The following SYN2 variants were observed in gnomAD, a reference collection of about 807,000 sequenced individuals.
SYN2 encodes the protein synapsin-2.
SYN2 carries 19 observed loss-of-function variants against 50.9 expected under a neutral mutation model. The observed-to-expected ratio is 0.37, with a 90% CI of 0.26 to 0.55. The LOEUF is 0.55. Ranked by LOEUF, SYN2 falls within the 20% of genes least tolerant of loss-of-function variation. The pLI, the probability that SYN2 is intolerant of heterozygous loss-of-function variation, is 0.81. For synonymous variants in SYN2, 255 were observed against 224.9 expected (o/e 1.13, Z -1.20); for missense variants, 587 against 576.4 (o/e 1.02, Z -0.19).
At chr3:12,057,916 A>G (rs935642786) in intron 1 of SYN2, among the ~76,000 whole-genome samples, 1 of 152,354 alleles carries the variant, frequency 6.6e-6, no homozygotes, top group East Asian at 1.9e-4. Flanking sequence ...CTTTTAGAGC[A>G]TAGTATTTCA....
intron 1 of SYN2, among the ~76,000 whole-genome samples, chr3:12,020,911 G>A (rs753743210): frequency 7.2e-5 from 11 of 152,166 alleles, no homozygotes; most frequent in Non-Finnish European, 1.5e-4. Flanking sequence ...ATGATTAAAG[G>A]ATGTTTTAAA....
intron 12 of SYN2, among the ~76,000 whole-genome samples, chr3:12,188,722 G>A (rs1472368479): frequency 1.3e-5 from 2 of 152,172 alleles, no homozygotes; most frequent in African/African-American, 2.4e-5. Context: ...AGTCCCGTGT[G>A]ATGGGAGGGG....
chr3:12,106,338 A>T (rs1214350142), intron 1 of SYN2, among the ~76,000 whole-genome samples: 3 of 152,114 alleles, frequency 2.0e-5, no homozygotes, highest in African/African-American at 7.2e-5. Context: ...CACCTGGATA[A>T]TCTCCCTATT....
intron 12 of SYN2, 82 bp downstream of exon 12, chr3:12,187,694 C>A: frequency 1.4e-6 from 2 of 1,447,470 alleles, no homozygotes; most frequent in Non-Finnish European, 1.8e-6. Flanking sequence ...CTAGAAATCA[C>A]CTTCAATCAG....
intron 1 of SYN2, among the ~76,000 whole-genome samples, chr3:12,048,892 A>G (rs376782108): frequency 3.3e-5 from 5 of 152,128 alleles, no homozygotes; most frequent in African/African-American, 1.2e-4. Flanking sequence ...GGTAGTGACT[A>G]TTTTATTCAT....
chr3:12,026,621 A>T (rs1401868889), intron 1 of SYN2, among the ~76,000 whole-genome samples: 1 of 152,158 alleles, frequency 6.6e-6, no homozygotes, highest in Non-Finnish European at 1.5e-5. Flanking sequence ...GGCAGAAGAT[A>T]TGAAAAGACA....
chr3:12,038,927 C>G (rs962175470), intron 1 of SYN2, among the ~76,000 whole-genome samples: 1 of 152,128 alleles, frequency 6.6e-6, no homozygotes, highest in Non-Finnish European at 1.5e-5. Flanking sequence ...ATTGTCCTGG[C>G]TAGGACCTTC....
intron 10 of SYN2, among the ~76,000 whole-genome samples, chr3:12,176,018 G>A (rs1335292135): frequency 6.6e-6 from 1 of 152,206 alleles, no homozygotes; most frequent in Non-Finnish European, 1.5e-5. Flanking sequence ...GCTTTAGGGA[G>A]ACTGTTCTCG....
At chr3:12,115,633 G>T (rs1302187922) in intron 1 of SYN2, among the ~76,000 whole-genome samples, 1 of 152,136 alleles carries the variant, frequency 6.6e-6, no homozygotes, top group African/African-American at 2.4e-5. Flanking sequence ...GTGTGCAAGG[G>T]ACCCAGAATT....
chr3:12,097,234 G>T (rs1017749687), intron 1 of SYN2, among the ~76,000 whole-genome samples: 24 of 152,284 alleles, frequency 1.6e-4, no homozygotes, highest in African/African-American at 5.8e-4. Context: ...GTTTATTGCG[G>T]CACTATTCAC....
intron 11 of SYN2, 141 bp from the exon 12 acceptor site, chr3:12,187,228 G>T: frequency 8.1e-7 from 1 of 1,238,688 alleles, no homozygotes. Flanking sequence ...ACCCCCTTTA[G>T]GGCCCTTCAG....
intron 1 of SYN2, among the ~76,000 whole-genome samples, chr3:12,056,418 C>A (rs909587049): frequency 6.7e-6 from 1 of 150,190 alleles, no homozygotes; most frequent in Non-Finnish European, 1.5e-5. Context: ...AAGCAATACT[C>A]TTTTTTTTTA....
chr3:12,004,639 G>A lies in SYN2; in HGVS notation c.88G>A (p.Glu30Lys), dbSNP rs1477208159. 4.5e-6 allele frequency: 2 copies of A among 442,016 alleles called. No individual in the cohort carries two copies. The highest frequency in any genetic ancestry group is 2.1e-5 in the African/African-American group (1 of 48,502). The allele number at this position is 442,016 out of a possible 1,614,324, so 27.4% of individuals were successfully genotyped here. The change falls in exon 1 of 13, where the codon GAG becomes AAG. Residue 30 changes from glutamate (E) to lysine (K), a missense_variant. Physicochemically the swap from Glu to Lys is moderately conservative, Grantham distance 56. Coordinates refer to ENST00000621198, the MANE Select transcript of SYN2 (RefSeq NM_133625.6). ...NGYMTDLQRPEPQQPPPPPPP... is the reference protein window; with the variant it reads ...NGYMTDLQRPKPQQPPPPPPP... ...CTACATGACCGACCTGCAGCGGCCC[G>A]AGCCCCAGCAGCCGCCGCCGCCGCC... is the stretch of plus-strand genomic sequence containing the variant.
At chr3:12,048,814 G>A (rs1316902704) in intron 1 of SYN2, among the ~76,000 whole-genome samples, 1 of 152,104 alleles carries the variant, frequency 6.6e-6, no homozygotes, top group Non-Finnish European at 1.5e-5. Flanking sequence ...TGGTAGCTCG[G>A]GTTCAAATCT....
intron 9 of SYN2, among the ~76,000 whole-genome samples, chr3:12,169,334 T>A (rs997217049): frequency 6.6e-6 from 1 of 152,028 alleles, no homozygotes; most frequent in African/African-American, 2.4e-5. Flanking sequence ...GAGCAGAGAG[T>A]GCTTGGAGAC....
chr3:12,044,164 C>G (rs1694681134), intron 1 of SYN2, among the ~76,000 whole-genome samples: 1 of 51,114 alleles, frequency 2.0e-5, no homozygotes, highest in Non-Finnish European at 5.3e-5. Context: ...GCAAAGTTCT[C>G]TCTCTCTCTC....
intron 1 of SYN2, among the ~76,000 whole-genome samples, chr3:12,047,080 T>TA (rs1694756433): frequency 6.6e-6 from 1 of 152,292 alleles, no homozygotes; most frequent in Non-Finnish European, 1.5e-5. Flanking sequence ...GACTGAATGG[T>TA]ATTTCATTGT....
chr3:12,168,014 GGAA>G (rs1303431445), intron 8 of SYN2, among the ~76,000 whole-genome samples: 3 of 152,164 alleles, frequency 2.0e-5, no homozygotes, highest in African/African-American at 7.2e-5. Context: ...AGTACCTGGT[GGAA>G]GAAGTTTCTA....
At position 12,191,637 on chromosome 3, in the gene SYN2, G is replaced by A. The variant is rs961439569; in HGVS notation, c.*1012G>A. Among the ~76,000 whole-genome samples, 11 of 152,170 alleles carry A rather than the reference G, an allele frequency of 7.2e-5. No homozygotes were observed. The highest frequency in any genetic ancestry group is 2.7e-4 in the African/African-American group (11 of 41,436). On this transcript the variant is annotated 3_prime_UTR_variant, in exon 13 of 13. Transcript: ENST00000621198. Reference sequence around the variant, plus strand: ...TTCTGGGCCTCCTCGCACCTCCCCAGTGAATCTGTCTCCTCCAAGACACCT... The same window carrying A: ...TTCTGGGCCTCCTCGCACCTCCCCAATGAATCTGTCTCCTCCAAGACACCT...
Sources: gnomAD v4.1 joint callset for allele counts (sites outside exome capture counted in the v4.1 genomes callset) on GRCh38, gnomAD v4.1.1 for gene constraint, MANE v1.5 for transcripts, NCBI Gene and HGNC (gene_info 2026-07-23, HGNC 2026-07-21) for gene names.